Variants in SPIRE1 observed in about 807,000 individuals in gnomAD.
SPIRE1 encodes protein spire homolog 1.
SPIRE1 carries 40 observed loss-of-function variants against 94.1 expected under a neutral mutation model. That is an observed-to-expected ratio of 0.43 (90% CI 0.33 to 0.55). SPIRE1 has a LOEUF of 0.55. Ranked by LOEUF, SPIRE1 falls within the 20% of genes least tolerant of loss-of-function variation. The pLI, the probability that SPIRE1 is intolerant of heterozygous loss-of-function variation, is 0.06. For synonymous variants in SPIRE1, 376 were observed against 371.7 expected, an observed-to-expected ratio of 1.01 and a Z score of -0.13; for missense variants, 838 against 975.2, an observed-to-expected ratio of 0.86 and a Z score of 1.87.
intron 2 of SPIRE1, among the ~76,000 whole-genome samples, chr18:12,575,519 G>C (rs938038304): frequency 2.0e-5 from 3 of 152,024 alleles, no homozygotes; most frequent in African/African-American, 7.2e-5. Context: ...GCTAATTTTT[G>C]TATTTTTTTG....
intron 2 of SPIRE1, among the ~76,000 whole-genome samples, chr18:12,634,044 C>T (rs917718041): frequency 6.6e-6 from 1 of 152,050 alleles, no homozygotes; most frequent in East Asian, 1.9e-4. Flanking sequence ...GTCAGGAGAT[C>T]GAGACCATCC....
chr18:12,608,246 A>C (rs529675024), intron 2 of SPIRE1, among the ~76,000 whole-genome samples: 2 of 151,706 alleles, frequency 1.3e-5, no homozygotes, highest in African/African-American at 4.8e-5. Flanking sequence ...GTCTGAGGCT[A>C]TCACTATTAA....
intron 2 of SPIRE1, among the ~76,000 whole-genome samples, chr18:12,613,588 T>G (rs975236841): frequency 1.6e-4 from 25 of 151,908 alleles, no homozygotes; most frequent in African/African-American, 5.6e-4. Context: ...AAAAAGAAAA[T>G]AAAATAGCTC....
chr18:12,654,555 G>A (rs557204134), intron 1 of SPIRE1, among the ~76,000 whole-genome samples: 78 of 151,672 alleles, frequency 5.1e-4, no homozygotes, highest in Non-Finnish European at 1.0e-3. Context: ...GCTGAGGTAG[G>A]AGAATGGCAT....
At chr18:12,594,993 C>G (rs1379264727) in intron 2 of SPIRE1, among the ~76,000 whole-genome samples, 1 of 152,136 alleles carries the variant, frequency 6.6e-6, no homozygotes, top group Non-Finnish European at 1.5e-5. Context: ...TTTAAAAATA[C>G]AGGTCTGGGT....
At chr18:12,557,120 G>T (rs2035538451) in intron 2 of SPIRE1, among the ~76,000 whole-genome samples, 1 of 152,212 alleles carries the variant, frequency 6.6e-6, no homozygotes, top group Non-Finnish European at 1.5e-5. Context: ...GGGTGGAGCT[G>T]CCCACCAGTC....
intron 2 of SPIRE1, among the ~76,000 whole-genome samples, chr18:12,568,120 G>A (rs747773309): frequency 4.6e-5 from 7 of 152,220 alleles, no homozygotes; most frequent in African/African-American, 1.4e-4. Context: ...ATACGTAGAC[G>A]TAGAAGAGTG....
intron 2 of SPIRE1, among the ~76,000 whole-genome samples, chr18:12,601,792 T>A (rs1268999597): frequency 2.0e-5 from 3 of 152,168 alleles, no homozygotes; most frequent in African/African-American, 7.2e-5. Context: ...TGTGGCTATA[T>A]CAGTATTTTG....
At chr18:12,463,619 T>C (rs2031966283) in intron 11 of SPIRE1, 126 bp from the exon 12 acceptor site, 4 of 753,246 alleles carry the variant, frequency 5.3e-6, no homozygotes, top group Admixed American at 5.7e-5. Context: ...TATTTTAAGA[T>C]GGTAATGGTA....
At chr18:12,544,006 C>T (rs1326262968) in intron 3 of SPIRE1, among the ~76,000 whole-genome samples, 1 of 152,124 alleles carries the variant, frequency 6.6e-6, no homozygotes. Context: ...TATTTTTCTT[C>T]TCATTCAGCT....
intron 2 of SPIRE1, among the ~76,000 whole-genome samples, chr18:12,628,038 G>A (rs2037679958): frequency 6.6e-6 from 1 of 152,128 alleles, no homozygotes; most frequent in Admixed American, 6.6e-5. Flanking sequence ...CTTCTGCCAT[G>A]CAGAAGCTCT....
At chr18:12,451,648 T>C (rs372721488) in intron 16 of SPIRE1, among the ~76,000 whole-genome samples, 269 of 152,286 alleles carry the variant, frequency 1.8e-3, no homozygotes, top group African/African-American at 6.0e-3. Context: ...AGCCAGGACA[T>C]GTGGTTGGTA....
At chr18:12,484,990 G>A (rs2032981011) in intron 9 of SPIRE1, among the ~76,000 whole-genome samples, 2 of 151,788 alleles carry the variant, frequency 1.3e-5, no homozygotes, top group African/African-American at 4.8e-5. Context: ...CTCAAATTTA[G>A]TTATTTCACT....
chr18:12,653,946 CAA>C (rs548852325), intron 1 of SPIRE1, among the ~76,000 whole-genome samples: 1 of 120,936 alleles, frequency 8.3e-6, no homozygotes. Flanking sequence ...AACTCCGTCT[CAA>C]AAAAAAAAAA....
At chr18:12,619,301 G>C (rs1425685536) in intron 2 of SPIRE1, among the ~76,000 whole-genome samples, 1 of 152,070 alleles carries the variant, frequency 6.6e-6, no homozygotes, top group Non-Finnish European at 1.5e-5. Flanking sequence ...CAGGTCAGGA[G>C]ATTGACACCA....
Position 12,619,101 on chromosome 18 carries a change from C to G in SPIRE1, c.372+15961G>C, listed in dbSNP as rs140348996. Among the ~76,000 whole-genome samples, 1,471 of 152,068 alleles carry G rather than the reference C, an allele frequency of 9.7e-3. 35 individuals are homozygous for G. Among genetic ancestry groups the G allele is most frequent in the African/African-American group, 0.034 (1,415 of 41,498 alleles). On this transcript the variant is annotated intron_variant, in intron 2 of 16. Transcript: ENST00000409402. ...GTTTCTCCATGTTGGTCAGGCTGGT[C>G]TCGAACTCCCACTTGAACTCCCAAC...
intron 8 of SPIRE1, among the ~76,000 whole-genome samples, chr18:12,489,409 T>C (rs1235988907): frequency 6.6e-6 from 1 of 152,212 alleles, no homozygotes; most frequent in Non-Finnish European, 1.5e-5. Flanking sequence ...TTTTTTTCTC[T>C]AGCACTTGAA....
At chr18:12,505,227 T>C (rs2033788628) in intron 6 of SPIRE1, among the ~76,000 whole-genome samples, 1 of 152,136 alleles carries the variant, frequency 6.6e-6, no homozygotes, top group African/African-American at 2.4e-5. Flanking sequence ...CATAGTCTGA[T>C]GAGAGATGAT....
intron 4 of SPIRE1, among the ~76,000 whole-genome samples, chr18:12,517,964 T>C (rs1054724487): frequency 2.0e-5 from 3 of 152,206 alleles, no homozygotes; most frequent in African/African-American, 7.2e-5. Context: ...CAGTTAGACA[T>C]TTTTAAATGC....
Sources: gnomAD v4.1 joint callset for allele counts (sites outside exome capture counted in the v4.1 genomes callset) on GRCh38, gnomAD v4.1.1 for gene constraint, MANE v1.5 for transcripts, NCBI Gene and HGNC (gene_info 2026-07-23, HGNC 2026-07-21) for gene names.